SUPT3H: variants seen among roughly 807,000 people sequenced by gnomAD.
The protein encoded by SUPT3H is transcription initiation protein SPT3 homolog.
A neutral mutation model predicts 44.3 loss-of-function variants in SUPT3H; 44 were observed. The ratio of observed to expected loss-of-function variants is 0.99; its 90% confidence interval spans 0.78 to 1.28. SUPT3H has a LOEUF of 1.28. Among genes scored for constraint, SUPT3H ranks in the 50% most tolerant of loss-of-function variants. The pLI, the probability that SUPT3H is intolerant of heterozygous loss-of-function variation, is 0.00. For synonymous variants in SUPT3H, 124 were observed against 125.6 expected, an observed-to-expected ratio of 0.99 and a Z score of 0.09; for missense variants, 380 against 387.1, an observed-to-expected ratio of 0.98 and a Z score of 0.15.
At chr6:45,153,006 T>G (rs901929461) in intron 2 of SUPT3H, among the ~76,000 whole-genome samples, 40 of 152,278 alleles carry the variant, frequency 2.6e-4, no homozygotes, top group African/African-American at 8.7e-4. Flanking sequence ...TAAACATCTT[T>G]ACATTTGCTA....
At chr6:45,351,045 G>A (rs1212357879) in intron 2 of SUPT3H, among the ~76,000 whole-genome samples, 4 of 152,102 alleles carry the variant, frequency 2.6e-5, no homozygotes, top group Non-Finnish European at 5.9e-5. Flanking sequence ...CTGATGATGT[G>A]AGGTGTAACA....
intron 2 of SUPT3H, among the ~76,000 whole-genome samples, chr6:45,279,181 A>T (rs1777524683): frequency 6.6e-6 from 1 of 152,226 alleles, no homozygotes; most frequent in African/African-American, 2.4e-5. Context: ...TTTTGACCCA[A>T]AATGGGATTA....
chr6:45,291,001 G>A (rs2149862501), intron 2 of SUPT3H, among the ~76,000 whole-genome samples: 1 of 152,238 alleles, frequency 6.6e-6, no homozygotes, highest in Middle Eastern at 3.4e-3. Context: ...AATAAATCAG[G>A]AAACCTGAAA....
chr6:44,896,121 T>C (rs1202685022), intron 10 of SUPT3H, among the ~76,000 whole-genome samples: 2 of 152,122 alleles, frequency 1.3e-5, no homozygotes, highest in Non-Finnish European at 2.9e-5. Context: ...TCCAGCTGTG[T>C]AGATGCTGTG....
chr6:45,086,438 C>T (rs1796484529), intron 3 of SUPT3H, among the ~76,000 whole-genome samples: 3 of 151,934 alleles, frequency 2.0e-5, no homozygotes, highest in Non-Finnish European at 4.4e-5. Context: ...AGAAATAACT[C>T]AATCATGCTC....
At chr6:44,877,922 C>T (rs1582153313) in intron 10 of SUPT3H, among the ~76,000 whole-genome samples, 1 of 152,172 alleles carries the variant, frequency 6.6e-6, no homozygotes, top group South Asian at 2.1e-4. Flanking sequence ...GCCTGATGTG[C>T]TTTCCATCCT....
chr6:44,907,310 C>T (rs926988976), intron 10 of SUPT3H, among the ~76,000 whole-genome samples: 11 of 152,160 alleles, frequency 7.2e-5, no homozygotes, highest in South Asian at 6.2e-4. Context: ...ATCTATTTCA[C>T]GATATTTGAC....
At chr6:45,321,230 C>A (rs765983508) in intron 2 of SUPT3H, among the ~76,000 whole-genome samples, 37 of 151,946 alleles carry the variant, frequency 2.4e-4, no homozygotes, top group Non-Finnish European at 3.7e-4. Flanking sequence ...GCTGTATAGC[C>A]CAAGCTACTC....
intron 2 of SUPT3H, among the ~76,000 whole-genome samples, chr6:45,175,790 TTATACTAAA>T (rs1433699360): frequency 1.3e-5 from 2 of 152,152 alleles, no homozygotes; most frequent in East Asian, 3.9e-4. Context: ...TTTGGATAAA[TTATACTAAA>T]AATAAGCTTA....
At chr6:45,285,169 T>C (rs1480146332) in intron 2 of SUPT3H, among the ~76,000 whole-genome samples, 4 of 151,638 alleles carry the variant, frequency 2.6e-5, no homozygotes, top group Admixed American at 1.3e-4. Context: ...AGCATTCCCT[T>C]TGAAAACTGG....
At chr6:45,098,687 G>C (rs1296905214) in intron 3 of SUPT3H, 2 of 374,528 alleles carry the variant, frequency 5.3e-6, no homozygotes, top group East Asian at 1.5e-4. Flanking sequence ...GGACCCATCA[G>C]AGGACAAGGT....
chr6:45,333,886 T>C (rs1788017449), intron 2 of SUPT3H, among the ~76,000 whole-genome samples: 1 of 151,272 alleles, frequency 6.6e-6, no homozygotes, highest in African/African-American at 2.4e-5. Context: ...AAAAGATAAA[T>C]GTTTACCTTG....
chr6:44,905,566 T>C (rs1260004991), intron 10 of SUPT3H, among the ~76,000 whole-genome samples: 2 of 151,840 alleles, frequency 1.3e-5, no homozygotes, highest in Admixed American at 1.3e-4. Context: ...TTTTACACTG[T>C]TGGTGGGACT....
chr6:45,365,990 T>C (rs145210594), intron 1 of SUPT3H, among the ~76,000 whole-genome samples: 2,154 of 152,224 alleles, frequency 0.014, 25 homozygotes, highest in Non-Finnish European at 0.023. Flanking sequence ...CCAATCCTAA[T>C]GTATGACATT....
At chr6:44,884,823 T>C (rs183390041) in intron 10 of SUPT3H, among the ~76,000 whole-genome samples, 3 of 152,136 alleles carry the variant, frequency 2.0e-5, no homozygotes, top group African/African-American at 7.2e-5. Context: ...ATTGCTTCAC[T>C]TGGGAAGTGC....
At chr6:45,114,862 G>A (rs913818168) in intron 2 of SUPT3H, among the ~76,000 whole-genome samples, 2 of 152,094 alleles carry the variant, frequency 1.3e-5, no homozygotes, top group African/African-American at 4.8e-5. Context: ...TTAAACAGAT[G>A]AAAAATGAAA....
chr6:45,239,256 G>A (rs1003715673), intron 2 of SUPT3H, among the ~76,000 whole-genome samples: 5 of 152,198 alleles, frequency 3.3e-5, no homozygotes, highest in African/African-American at 9.7e-5. Context: ...GGAGTAGAAT[G>A]CACCCTTTTT....
At chr6:44,886,599 AAAG>A (rs1228587164) in intron 10 of SUPT3H, among the ~76,000 whole-genome samples, 1 of 152,120 alleles carries the variant, frequency 6.6e-6, no homozygotes, top group Non-Finnish European at 1.5e-5. Flanking sequence ...GCCTGCCCTA[AAAG>A]AGCTCCTGAA....
chr6:44,815,375 T>C (rs999535147), intron 11 of SUPT3H, among the ~76,000 whole-genome samples: 1 of 152,182 alleles, frequency 6.6e-6, no homozygotes, highest in Non-Finnish European at 1.5e-5. Context: ...ACATTAGATA[T>C]AGTCTAAAGA....
Sources: allele counts gnomAD v4.1 joint callset (sites outside exome capture counted in the v4.1 genomes callset), GRCh38; gene constraint gnomAD v4.1.1; transcripts MANE v1.5; gene names NCBI Gene and HGNC (gene_info 2026-07-23, HGNC 2026-07-21).